Variants in ZNF804B observed in about 807,000 individuals in gnomAD.
The protein encoded by ZNF804B is zinc finger protein 804B, also known as zinc finger 804B.
Under a neutral mutation model 101.4 loss-of-function variants are expected in ZNF804B, and 80 were observed. That is an observed-to-expected ratio of 0.79 (90% CI 0.66 to 0.95). The LOEUF is 0.95. Ranked by LOEUF, ZNF804B falls within the 40% of genes least tolerant of loss-of-function variation. The probability of loss-of-function intolerance (pLI) is 0.00; values close to 1 mark genes in which losing one functional copy is unlikely to be tolerated. For missense variants in ZNF804B, 1,673 were observed against 1,561.9 expected (o/e 1.07, Z -1.20); for synonymous variants, 622 against 558.8 (o/e 1.11, Z -1.59).
chr7:89,097,133 C>G (rs1789981577), intron 1 of ZNF804B, among the ~76,000 whole-genome samples: 1 of 152,188 alleles, frequency 6.6e-6, no homozygotes, highest in African/African-American at 2.4e-5. Context: ...GCAGCTGCAT[C>G]TCTGGACAGA....
Position 88,873,049 on chromosome 7 carries a change from A to G in ZNF804B, c.108+112965A>G, listed in dbSNP as rs879293964. ...AGATCCCTGAGGAATCGCCACACTG[A>G]CTTCCACAATGGTTGAACTAGTTTA... On this transcript the variant is annotated intron_variant, in intron 1 of 3. Transcript: ENST00000333190. Among the ~76,000 whole-genome samples, 1,480 of 151,986 alleles carry G rather than the reference A, an allele frequency of 9.7e-3. 6 individuals are homozygous for G. Among genetic ancestry groups the G allele is most frequent in the Non-Finnish European group, 0.014 (971 of 67,934 alleles).
At chr7:89,248,957 G>A (rs1208826) in intron 2 of ZNF804B, among the ~76,000 whole-genome samples, 115,836 of 149,762 alleles carry the variant, frequency 0.77, 45,603 homozygotes, top group African/African-American at 0.93. Flanking sequence ...AGCATCATAA[G>A]AACAGAACAC....
At chr7:89,129,072 A>G (rs915085067) in intron 1 of ZNF804B, among the ~76,000 whole-genome samples, 1 of 151,970 alleles carries the variant, frequency 6.6e-6, no homozygotes, top group Admixed American at 6.6e-5. Context: ...ACCTGCATTT[A>G]ATAATTAGGT....
intron 1 of ZNF804B, among the ~76,000 whole-genome samples, chr7:88,764,093 A>G (rs879641720): frequency 1.2e-4 from 18 of 152,322 alleles, no homozygotes; most frequent in Admixed American, 5.2e-4. Flanking sequence ...CTATGTAATA[A>G]GAAAAATATA....
At chr7:89,203,463 G>A (rs1228718965) in intron 1 of ZNF804B, among the ~76,000 whole-genome samples, 1 of 152,050 alleles carries the variant, frequency 6.6e-6, no homozygotes, top group African/African-American at 2.4e-5. Context: ...TTCTCTCAAA[G>A]TAAACTAGCA....
chr7:89,305,126 A>AT lies in ZNF804B; in HGVS notation c.250-22216dup, dbSNP rs549291062. On this transcript the variant is annotated intron_variant, in intron 2 of 3. Transcript: ENST00000333190. Reference sequence around the variant, plus strand: ...TTTATGTCATAGTTTTCTTGTGGAGATTAAAGGGATTAATACTAATAGAGA... The same window carrying AT: ...TTTATGTCATAGTTTTCTTGTGGAGATTTAAAGGGATTAATACTAATAGAGA... 2.4e-3 allele frequency among the ~76,000 whole-genome samples: 358 copies of AT among 152,022 alleles called. 2 individuals are homozygous for AT. The highest frequency in any genetic ancestry group is 8.2e-3 in the African/African-American group (342 of 41,514).
rs143461948 is a variant in ZNF804B, at chr7:89,061,811, C to T, written c.109-156344C>T. On this transcript the variant is annotated intron_variant, in intron 1 of 3. Transcript: ENST00000333190. The stretch of plus-strand genomic sequence containing the variant: ...TATCTTACTGTCTATTGCACATCTC[C>T]ATCATCAGGATGTCTCACAAACAAC... Among the ~76,000 whole-genome samples the T allele has an allele frequency of 1.0e-3, 158 of 152,168 alleles. 1 individual carries two copies. In the East Asian group the frequency reaches 0.029, roughly 28 times the overall value.
intron 1 of ZNF804B, among the ~76,000 whole-genome samples, chr7:89,053,693 T>A (rs991453158): frequency 1.3e-5 from 2 of 151,980 alleles, no homozygotes; most frequent in African/African-American, 4.8e-5. Flanking sequence ...TTTCCTTCAA[T>A]CGCTTTTCTT....
chr7:89,197,414 A>C (rs1788572696), intron 1 of ZNF804B, among the ~76,000 whole-genome samples: 1 of 151,916 alleles, frequency 6.6e-6, no homozygotes, highest in African/African-American at 2.4e-5. Flanking sequence ...AAGTGACACT[A>C]CCAGCTCTGC....
At chr7:89,242,635 A>G (rs1789388309) in intron 2 of ZNF804B, among the ~76,000 whole-genome samples, 1 of 151,874 alleles carries the variant, frequency 6.6e-6, no homozygotes, top group Non-Finnish European at 1.5e-5. Flanking sequence ...CATTGAAAAA[A>G]AAAGATAACT....
chr7:89,301,017 G>T (rs915485842), intron 2 of ZNF804B, among the ~76,000 whole-genome samples: 1 of 148,458 alleles, frequency 6.7e-6, no homozygotes, highest in Admixed American at 6.8e-5. Context: ...GAGCTAAACA[G>T]AACTTGCTGA....
At chr7:88,846,041 T>A (rs1791368383) in intron 1 of ZNF804B, among the ~76,000 whole-genome samples, 1 of 152,226 alleles carries the variant, frequency 6.6e-6, no homozygotes, top group Admixed American at 6.5e-5. Flanking sequence ...CAGCTTTCAG[T>A]GCAGAAAGGC....
chr7:88,785,133 T>A (rs1043925397), intron 1 of ZNF804B, among the ~76,000 whole-genome samples: 3 of 152,126 alleles, frequency 2.0e-5, no homozygotes, highest in Non-Finnish European at 2.9e-5. Flanking sequence ...ATAACGTTGA[T>A]GATTCTCAGA....
chr7:89,028,211 T>G (rs1562864578), intron 1 of ZNF804B, among the ~76,000 whole-genome samples: 1 of 152,146 alleles, frequency 6.6e-6, no homozygotes, highest in East Asian at 1.9e-4. Context: ...AGTGAGCATT[T>G]TATACAATAA....
At chr7:89,185,892 GA>G (rs918011172) in intron 1 of ZNF804B, among the ~76,000 whole-genome samples, 97 of 143,354 alleles carry the variant, frequency 6.8e-4, no homozygotes, top group Middle Eastern at 3.6e-3. Flanking sequence ...AAGAAAAAAA[GA>G]AAAAAAAAAG....
chr7:89,117,647 G>A (rs1163314295), intron 1 of ZNF804B, among the ~76,000 whole-genome samples: 2 of 152,144 alleles, frequency 1.3e-5, no homozygotes, highest in Non-Finnish European at 2.9e-5. Flanking sequence ...TAGCCATAAT[G>A]TTGATGCTAT....
intron 1 of ZNF804B, among the ~76,000 whole-genome samples, chr7:88,913,353 G>A (rs1289342956): frequency 3.9e-5 from 6 of 152,144 alleles, no homozygotes; most frequent in Non-Finnish European, 7.4e-5. Flanking sequence ...TCTGGAGATA[G>A]CACAACAAGC....
chr7:88,830,343 A>G (rs1791112907), intron 1 of ZNF804B, among the ~76,000 whole-genome samples: 1 of 140,286 alleles, frequency 7.1e-6, no homozygotes, highest in African/African-American at 2.5e-5. Flanking sequence ...GAAATTTAGC[A>G]AAAAAAAGAA....
At chr7:88,955,200 T>C (rs1338222730) in intron 1 of ZNF804B, among the ~76,000 whole-genome samples, 1 of 151,544 alleles carries the variant, frequency 6.6e-6, no homozygotes, top group Non-Finnish European at 1.5e-5. Flanking sequence ...CAATATATTT[T>C]CCATGAGGAG....
Sources: gnomAD v4.1 joint callset for allele counts (sites outside exome capture counted in the v4.1 genomes callset) on GRCh38, gnomAD v4.1.1 for gene constraint, MANE v1.5 for transcripts, NCBI Gene and HGNC (gene_info 2026-07-23, HGNC 2026-07-21) for gene names.